Variants in PRKX observed in about 807,000 individuals in gnomAD.
PRKX encodes protein kinase cAMP-dependent X-linked catalytic subunit.
Under a neutral mutation model 22.0 loss-of-function variants are expected in PRKX, and 12 were observed. The ratio of observed to expected loss-of-function variants is 0.54; its 90% CI spans 0.35 to 0.88. PRKX has a LOEUF of 0.88. Ranked by LOEUF, PRKX falls within the 40% of genes least tolerant of loss-of-function variation. PRKX has a pLI of 0.01. For synonymous variants in PRKX, 134 were observed against 137.7 expected, an observed-to-expected ratio of 0.97 and a Z score of 0.19; for missense variants, 217 against 308.0, an observed-to-expected ratio of 0.70 and a Z score of 2.21.
chrX:3,658,147 C>T (rs1026814046), intron 2 of PRKX, among the ~76,000 whole-genome samples: 15 of 110,567 alleles, frequency 1.4e-4, no homozygotes, highest in African/African-American at 4.6e-4. Flanking sequence ...CCCACCACCA[C>T]GCCCAGCTAA....
chrX:3,705,286 C>T (rs1362727748), intron 1 of PRKX, among the ~76,000 whole-genome samples: 8 of 111,320 alleles, frequency 7.2e-5, no homozygotes, highest in Non-Finnish European at 1.3e-4. Context: ...TCTCTGGGGT[C>T]CCTTTTATAA....
At chrX:3,639,995 G>C (rs1487379942) in intron 4 of PRKX, among the ~76,000 whole-genome samples, 1 of 111,380 alleles carries the variant, frequency 9.0e-6, no homozygotes, top group Non-Finnish European at 1.9e-5. Flanking sequence ...TTCCAGGCAG[G>C]AGAATGCCTC....
At chrX:3,619,852 G>A (rs1230738979) in intron 6 of PRKX, among the ~76,000 whole-genome samples, 1 of 111,443 alleles carries the variant, frequency 9.0e-6, no homozygotes, top group Non-Finnish European at 1.9e-5. Context: ...ACACCCCGGT[G>A]TACTGTGTCT....
At chrX:3,622,456 A>G (rs914228019) in intron 5 of PRKX, among the ~76,000 whole-genome samples, 5 of 111,259 alleles carry the variant, frequency 4.5e-5, no homozygotes, top group Non-Finnish European at 9.4e-5. Context: ...CCCCAAGGTA[A>G]GTAGCACGAA....
intron 1 of PRKX, among the ~76,000 whole-genome samples, chrX:3,703,740 C>A (rs1928627793): frequency 1.0e-5 from 1 of 99,307 alleles, no homozygotes; most frequent in African/African-American, 3.8e-5. Flanking sequence ...GGCACAGACT[C>A]GGCTCACTGC....
At chrX:3,680,781 C>T (rs1350347223) in intron 1 of PRKX, among the ~76,000 whole-genome samples, 2 of 111,868 alleles carry the variant, frequency 1.8e-5, no homozygotes, top group Non-Finnish European at 3.8e-5. Context: ...AGCCAGGCAC[C>T]GTAGCTCGCA....
chrX:3,618,050 CAAA>C (rs755608512), intron 6 of PRKX, among the ~76,000 whole-genome samples: 1 of 60,638 alleles, frequency 1.6e-5, no homozygotes, highest in Non-Finnish European at 3.0e-5. Flanking sequence ...TGCTGTGTCT[CAAA>C]AAAAAAAAAA....
chrX:3,689,731 A>T lies in PRKX; in HGVS notation c.167-14965T>A, dbSNP rs185340775. On this transcript the variant is annotated intron_variant, in intron 1 of 8. Coordinates refer to ENST00000262848, the MANE Select transcript of PRKX (RefSeq NM_005044.5). ...GGTGGCTCACACCTGTAATCCCAAC[A>T]CTTTGGGAGGCCAAGGCGGGCGGAT... Among the ~76,000 whole-genome samples, 118 of 111,994 alleles carry T rather than the reference A, an allele frequency of 1.1e-3. 1 individual carries two copies. In the East Asian group the frequency reaches 0.021, roughly 20 times the overall value.
chrX:3,611,909 C>G (rs1926302905), intron 8 of PRKX, among the ~76,000 whole-genome samples: 1 of 111,645 alleles, frequency 9.0e-6, no homozygotes, highest in East Asian at 2.8e-4. Context: ...CACAAACCAC[C>G]TAGCGGTCTT....
chrX:3,656,117 G>A (rs1927475832), intron 2 of PRKX, among the ~76,000 whole-genome samples: 1 of 111,999 alleles, frequency 8.9e-6, no homozygotes, highest in Non-Finnish European at 1.9e-5. Context: ...ATGGATGTAG[G>A]CAGACGTTAG....
At chrX:3,705,681 TTTTTC>T (rs1225298779) in intron 1 of PRKX, among the ~76,000 whole-genome samples, 1 of 109,045 alleles carries the variant, frequency 9.2e-6, no homozygotes, top group Non-Finnish European at 1.9e-5. Flanking sequence ...TCCCCCAAGG[TTTTTC>T]TTTTCTTTTT....
Position 3,612,335 on chromosome X carries a change from A to G in PRKX, c.952-10T>C. ...TGGGCACGATGGGAGGCTGTGAGAC[A>G]TGGCCGAAGCACAAAGGCATGGTTA... On this transcript the variant is annotated splice_polypyrimidine_tract_variant and intron_variant, in intron 7 of 8. Coordinates refer to ENST00000262848, the MANE Select transcript of PRKX (RefSeq NM_005044.5). 8.3e-7 allele frequency: 1 copy of G among 1,206,887 alleles called. No individual in the cohort carries two copies. Among genetic ancestry groups the G allele is most frequent in the Non-Finnish European group, 1.1e-6 (1 of 893,403 alleles).
intron 2 of PRKX, chrX:3,659,521 G>GAGCTCAGGA (rs920819526): frequency 1.8e-5 from 2 of 110,055 alleles, no homozygotes; most frequent in Non-Finnish European, 3.8e-5. Flanking sequence ...TGGCTGAAGG[G>GAGCTCAGGA]AGCTCAGGAA....
At chrX:3,628,477 A>T (rs1206515318) in intron 4 of PRKX, among the ~76,000 whole-genome samples, 1 of 112,148 alleles carries the variant, frequency 8.9e-6, no homozygotes, top group Non-Finnish European at 1.9e-5. Context: ...CATTCTTTGT[A>T]TCAAAGCATC....
intron 2 of PRKX, among the ~76,000 whole-genome samples, chrX:3,659,729 GTTT>G (rs200394116): frequency 9.2e-5 from 3 of 32,654 alleles, no homozygotes; most frequent in African/African-American, 4.8e-4. Context: ...TTTTTTTTTT[GTTT>G]TTTTTTTTTT....
intron 2 of PRKX, among the ~76,000 whole-genome samples, chrX:3,674,364 C>T (rs1417445142): frequency 6.3e-5 from 7 of 111,770 alleles, no homozygotes; most frequent in Non-Finnish European, 9.4e-5. Flanking sequence ...GCCTTGGGCA[C>T]GGACTTCTGA....
intron 1 of PRKX, among the ~76,000 whole-genome samples, chrX:3,681,317 G>A (rs1262033533): frequency 1.8e-5 from 2 of 110,688 alleles, no homozygotes; most frequent in African/African-American, 6.6e-5. Flanking sequence ...CCAGGAGGTT[G>A]AGACCAGCCA....
At chrX:3,649,342 A>C (rs1343469145) in intron 3 of PRKX, among the ~76,000 whole-genome samples, 1 of 108,124 alleles carries the variant, frequency 9.2e-6, no homozygotes, top group Non-Finnish European at 1.9e-5. Context: ...CCATTTCATA[A>C]AACCAGAAAT....
intron 4 of PRKX, chrX:3,641,591 T>G (rs990453964): frequency 2.6e-5 from 5 of 194,677 alleles, no homozygotes; most frequent in Non-Finnish European, 4.6e-5. Context: ...AAGATATGGA[T>G]ATTTCAATAT....
Sources: gnomAD v4.1 joint callset for allele counts (sites outside exome capture counted in the v4.1 genomes callset) on GRCh38, gnomAD v4.1.1 for gene constraint, MANE v1.5 for transcripts, NCBI Gene and HGNC (gene_info 2026-07-23, HGNC 2026-07-21) for gene names.